The following CNTN6 variants were observed in gnomAD, a reference collection of about 807,000 sequenced individuals.
CNTN6 encodes the protein contactin 6, also known as contactin-6.
A neutral mutation model predicts 122.8 loss-of-function variants in CNTN6; 137 were observed. The ratio of observed to expected loss-of-function variants is 1.12; its 90% CI spans 0.97 to 1.29. CNTN6 has a LOEUF of 1.29. CNTN6 is among the 50% of genes most tolerant of loss of function. The pLI, the probability that CNTN6 is intolerant of heterozygous loss-of-function variation, is 0.00. For synonymous variants in CNTN6, 570 were observed against 426.0 expected (o/e 1.34, Z -4.16); for missense variants, 1,634 against 1,223.4 (o/e 1.34, Z -5.01).
chr3:1,368,550 T>C (rs540730889), intron 12 of CNTN6, among the ~76,000 whole-genome samples: 1 of 152,178 alleles, frequency 6.6e-6, no homozygotes, highest in East Asian at 1.9e-4. Flanking sequence ...AAAAAGTATT[T>C]GTGATCTTGC....
At chr3:1,339,847 T>G (rs182373658) in intron 11 of CNTN6, among the ~76,000 whole-genome samples, 32 of 152,296 alleles carry the variant, frequency 2.1e-4, no homozygotes, top group Non-Finnish European at 3.7e-4. Context: ...TGCTTGGATA[T>G]ACCTAATAAC....
chr3:1,248,528 C>T (rs1473435722), intron 4 of CNTN6, among the ~76,000 whole-genome samples: 1 of 152,032 alleles, frequency 6.6e-6, no homozygotes, highest in Non-Finnish European at 1.5e-5. Context: ...AAGTAATGTG[C>T]CCAAGGACAT....
intron 2 of CNTN6, 111 bp downstream of exon 2, chr3:1,148,174 CTAAG>C (rs2092763221): frequency 1.3e-6 from 1 of 790,272 alleles, no homozygotes; most frequent in African/African-American, 1.7e-5. Flanking sequence ...ATTTGAATGA[CTAAG>C]TGATAATGTT....
In CNTN6 at chr3:1,403,322, G is replaced by C. The variant is rs754377826; in HGVS notation, c.2991G>C (p.Leu997Phe). 1 of 1,598,604 alleles carries C rather than the reference G, an allele frequency of 6.3e-7. No homozygotes were observed. Among genetic ancestry groups the C allele is most frequent in the African/African-American group, 1.3e-5 (1 of 74,490 alleles). ...TCTTATTTTTATATTTTGCAGGTTT[G>C]AGTTCCAGAGGAATTCAATTCTTAG... Reference protein sequence around the residue: ...EEIRIPKMSSLSSRGIQFLEP... With the variant: ...EEIRIPKMSSFSSRGIQFLEP... Residue 997 changes from leucine to phenylalanine, a missense_variant, in exon 23 of 23, where the codon TTG becomes TTC. Coordinates refer to ENST00000446702, the MANE Select transcript of CNTN6 (RefSeq NM_001289080.2).
chr3:1,383,213 T>C (rs1312291266), intron 18 of CNTN6, 37 bp downstream of exon 18: 1 of 1,593,376 alleles, frequency 6.3e-7, no homozygotes. Context: ...TTTGAGACTC[T>C]ATGCATAGTT....
intron 11 of CNTN6, among the ~76,000 whole-genome samples, chr3:1,347,585 A>T (rs1403347689): frequency 1.3e-5 from 2 of 152,166 alleles, no homozygotes; most frequent in African/African-American, 4.8e-5. Flanking sequence ...GAGTCCAGCC[A>T]TAGGCAAGAA....
intron 20 of CNTN6, among the ~76,000 whole-genome samples, chr3:1,393,909 C>CTAAT (rs1253991554): frequency 2.6e-5 from 4 of 152,150 alleles, no homozygotes; most frequent in African/African-American, 9.7e-5. Flanking sequence ...CATCTCACTA[C>CTAAT]TAATTTTATA....
chr3:1,122,297 GAAAT>G (rs1220314437), intron 1 of CNTN6, among the ~76,000 whole-genome samples: 2 of 147,122 alleles, frequency 1.4e-5, no homozygotes, highest in Non-Finnish European at 3.0e-5. Context: ...GAGGAAGAGA[GAAAT>G]AAATAAAGGA....
rs1185953681 is a variant in CNTN6, at chr3:1,399,533, G to C, written c.2705-1900G>C. On this transcript the variant is annotated intron_variant, in intron 20 of 22. Coordinates refer to ENST00000446702, the MANE Select transcript of CNTN6 (RefSeq NM_001289080.2). The stretch of plus-strand genomic sequence containing the variant: ...AGGACATGGTCAATCCAATTGGCCT[G>C]TCCATCTTATAAATAGGTATGGATT... 3.9e-5 allele frequency among the ~76,000 whole-genome samples: 6 copies of C among 152,064 alleles called. No individual in the cohort carries two copies. In the South Asian group the frequency reaches 1.0e-3, roughly 26 times the overall value.
intron 16 of CNTN6, among the ~76,000 whole-genome samples, chr3:1,374,499 C>T (rs116336721): frequency 0.013 from 2,009 of 152,168 alleles, 57 homozygotes; most frequent in African/African-American, 0.046. Flanking sequence ...TGTAGCTTCA[C>T]TGAGCAGTAG....
chr3:1,307,385 C>A (rs1432949971), intron 7 of CNTN6, among the ~76,000 whole-genome samples: 1 of 152,028 alleles, frequency 6.6e-6, no homozygotes, highest in Non-Finnish European at 1.5e-5. Flanking sequence ...CCCCTCTGTT[C>A]ATAAATACAT....
chr3:1,268,529 C>T (rs979242627), intron 4 of CNTN6, among the ~76,000 whole-genome samples: 6 of 147,664 alleles, frequency 4.1e-5, no homozygotes, highest in African/African-American at 1.3e-4. Context: ...ATGGCGTGAA[C>T]CCGGGAGGAG....
intron 2 of CNTN6, among the ~76,000 whole-genome samples, chr3:1,162,500 T>A (rs3772372): frequency 0.17 from 25,862 of 152,120 alleles, 2,635 homozygotes; most frequent in African/African-American, 0.27. Context: ...GGCTGCACCA[T>A]CCCTTCTTAA....
At chr3:1,327,403 A>G in intron 9 of CNTN6, 54 bp from the exon 10 acceptor site, 1 of 1,543,320 alleles carries the variant, frequency 6.5e-7, no homozygotes, top group Non-Finnish European at 8.9e-7. Flanking sequence ...TATCCTGGTT[A>G]AGAGAATGCT....
At chr3:1,252,490 A>G (rs2094687105) in intron 4 of CNTN6, among the ~76,000 whole-genome samples, 1 of 152,216 alleles carries the variant, frequency 6.6e-6, no homozygotes, top group Admixed American at 6.5e-5. Flanking sequence ...CAAATCATAA[A>G]CACAGATGGA....
intron 2 of CNTN6, among the ~76,000 whole-genome samples, chr3:1,175,669 C>T (rs1239704953): frequency 6.6e-6 from 1 of 152,174 alleles, no homozygotes. Flanking sequence ...AAGACATTAT[C>T]TGATTTGTAT....
intron 2 of CNTN6, among the ~76,000 whole-genome samples, chr3:1,180,905 G>C (rs1205931377): frequency 1.3e-5 from 2 of 152,112 alleles, no homozygotes; most frequent in Non-Finnish European, 2.9e-5. Context: ...TGATCCAAAA[G>C]CATATTATTC....
chr3:1,241,581 G>C (rs1450450279), intron 4 of CNTN6, among the ~76,000 whole-genome samples: 1 of 152,170 alleles, frequency 6.6e-6, no homozygotes, highest in Non-Finnish European at 1.5e-5. Flanking sequence ...ACTAAGAATT[G>C]GGAGGACCCA....
intron 4 of CNTN6, among the ~76,000 whole-genome samples, chr3:1,267,146 G>C (rs1014605864): frequency 6.6e-6 from 1 of 151,856 alleles, no homozygotes; most frequent in Non-Finnish European, 1.5e-5. Context: ...ACAAGGTCAG[G>C]ATGTACTTCC....
Sources: allele counts gnomAD v4.1 joint callset (sites outside exome capture counted in the v4.1 genomes callset), GRCh38; gene constraint gnomAD v4.1.1; transcripts MANE v1.5; gene names NCBI Gene and HGNC (gene_info 2026-07-23, HGNC 2026-07-21).